Variants in SPATA31G1 observed in about 807,000 individuals in gnomAD.
SPATA31G1 encodes the protein spermatogenesis-associated protein 31G1.
the SPATA31G1 span, chr9:35,045,048 C>G: frequency 6.2e-7 from 1 of 1,614,176 alleles, no homozygotes; most frequent in African/African-American, 1.3e-5. Flanking sequence ...TGGCCCAAGT[C>G]AATCATTTTG....
the SPATA31G1 span, chr9:35,043,219 G>A: frequency 6.2e-7 from 1 of 1,614,186 alleles, no homozygotes; most frequent in Non-Finnish European, 8.5e-7. Flanking sequence ...CAGCTCTTCT[G>A]GGGTCTCCCC....
chr9:35,043,395 G>A, the SPATA31G1 span: 1 of 1,614,114 alleles, frequency 6.2e-7, no homozygotes, highest in Non-Finnish European at 8.5e-7. Context: ...TTCTACCCAT[G>A]GGGCCCATAC....
the SPATA31G1 span, chr9:35,043,464 C>T: frequency 1.2e-6 from 2 of 1,614,172 alleles, no homozygotes; most frequent in East Asian, 2.2e-5. Context: ...TCCATCTTCT[C>T]CTTCTGTCTC....
chr9:35,045,499 G>A, the SPATA31G1 span: 1 of 1,614,136 alleles, frequency 6.2e-7, no homozygotes, highest in Middle Eastern at 1.6e-4. Flanking sequence ...GGAGACCATA[G>A]AAGAGGGACT....
At chr9:35,045,841 G>A in the SPATA31G1 span, 2 of 1,610,870 alleles carry the variant, frequency 1.2e-6, no homozygotes, top group Non-Finnish European at 8.5e-7. Context: ...GATAACCATC[G>A]ACCCCTACCC....
chr9:35,042,442 G>A, the SPATA31G1 span: 46 of 1,614,074 alleles, frequency 2.8e-5, 1 homozygote, highest in Admixed American at 2.2e-4. Flanking sequence ...GGGAGGTTGC[G>A]ACAGCTTCAT....
At chr9:35,044,009 A>C in the SPATA31G1 span, 14 of 1,613,142 alleles carry the variant, frequency 8.7e-6, no homozygotes, top group Non-Finnish European at 1.2e-5. Flanking sequence ...AAAGTAGAGA[A>C]AATATTTGGG....
chr9:35,042,826 C>A, the SPATA31G1 span: 1 of 1,592,042 alleles, frequency 6.3e-7, no homozygotes, highest in East Asian at 2.2e-5. Context: ...TCTGAAAAGG[C>A]TTCATGCCTG....
At chr9:35,043,609 C>T in the SPATA31G1 span, 1 of 1,614,198 alleles carries the variant, frequency 6.2e-7, no homozygotes. Context: ...TTGGAAACCA[C>T]AGGACACAAA....
chr9:35,045,747 G>A, the SPATA31G1 span: 1 of 1,614,232 alleles, frequency 6.2e-7, no homozygotes, highest in Non-Finnish European at 8.5e-7. Flanking sequence ...CTGTCCTTGG[G>A]CCCACATGGA....
chr9:35,044,070 G>C, the SPATA31G1 span: 6 of 1,614,044 alleles, frequency 3.7e-6, no homozygotes, highest in South Asian at 6.6e-5. Flanking sequence ...CCCTCTCCTG[G>C]AGTCTCTAGT....
the SPATA31G1 span, chr9:35,043,038 C>T: frequency 4.3e-6 from 7 of 1,614,174 alleles, no homozygotes; most frequent in Non-Finnish European, 5.9e-6. Context: ...TCCAGCCCCA[C>T]CCCAGCCATC....
chr9:35,042,070 G>A, the SPATA31G1 span: 3 of 840,316 alleles, frequency 3.6e-6, no homozygotes, highest in East Asian at 5.4e-5. Flanking sequence ...ATTCTGAACT[G>A]GGCAATCAAA....
chr9:35,044,458 A>G, the SPATA31G1 span: 24 of 1,614,178 alleles, frequency 1.5e-5, no homozygotes, highest in South Asian at 2.4e-4. Context: ...TTACCCCAAG[A>G]CCTGCATGGA....
At chr9:35,044,852 T>C in the SPATA31G1 span, 1 of 1,614,050 alleles carries the variant, frequency 6.2e-7, no homozygotes, top group East Asian at 2.2e-5. Flanking sequence ...CTGTGAAGAT[T>C]GAACGCACTC....
the SPATA31G1 span, chr9:35,044,481 G>C: frequency 1.2e-6 from 2 of 1,614,152 alleles, no homozygotes; most frequent in South Asian, 2.2e-5. Context: ...CAGCCCTCTG[G>C]GAGTCTTGTC....
chr9:35,044,598 G>GT, the SPATA31G1 span: 1 of 1,614,162 alleles, frequency 6.2e-7, no homozygotes, highest in Non-Finnish European at 8.5e-7. Flanking sequence ...AAAGTCCCAC[G>GT]TAAGTGAGCC....
At chr9:35,042,160 A>G in the SPATA31G1 span, 1 of 1,487,900 alleles carries the variant, frequency 6.7e-7, no homozygotes, top group Non-Finnish European at 9.0e-7. Flanking sequence ...ATTCAGGGAG[A>G]AGGCTGTTAA....
the SPATA31G1 span, chr9:35,045,356 T>G: frequency 1.9e-6 from 3 of 1,614,082 alleles, no homozygotes; most frequent in Non-Finnish European, 2.5e-6. Context: ...ACATGGAGGC[T>G]GGTGTGGACT....
Sources: gnomAD v4.1 joint callset for allele counts on GRCh38, gnomAD v4.1.1 for gene constraint, MANE v1.5 for transcripts, NCBI Gene and HGNC (gene_info 2026-07-23, HGNC 2026-07-21) for gene names.